RGPD6: variants seen among roughly 807,000 people sequenced by gnomAD.
RGPD6 encodes the protein RANBP2 like and GRIP domain containing 6.
the RGPD6 span, among the ~76,000 whole-genome samples, chr2:110,591,856 C>T: frequency 1.4e-5 from 2 of 148,132 alleles, no homozygotes; most frequent in Non-Finnish European, 2.9e-5. Context: ...TCTGGATCCC[C>T]AGCTGATTCT....
the RGPD6 span, among the ~76,000 whole-genome samples, chr2:110,604,152 G>A: frequency 7.2e-6 from 1 of 138,526 alleles, no homozygotes; most frequent in Non-Finnish European, 1.5e-5. Flanking sequence ...GCTGGACTAT[G>A]ATGCACGACT....
At chr2:110,603,971 T>C in the RGPD6 span, among the ~76,000 whole-genome samples, 1 of 149,918 alleles carries the variant, frequency 6.7e-6, no homozygotes, top group Non-Finnish European at 1.5e-5. Flanking sequence ...CCAGTGAAAC[T>C]AAATTATGAT....
At chr2:110,604,656 C>A in the RGPD6 span, among the ~76,000 whole-genome samples, 1 of 151,102 alleles carries the variant, frequency 6.6e-6, no homozygotes, top group South Asian at 2.1e-4. Flanking sequence ...ATTTTGCCAC[C>A]AAGACTTTAT....
chr2:110,591,336 GACTA>G, the RGPD6 span, among the ~76,000 whole-genome samples: 4,818 of 146,702 alleles, frequency 0.033, 111 homozygotes, highest in African/African-American at 0.12. Context: ...GCAGTGAACA[GACTA>G]ACTATGATTT....
the RGPD6 span, among the ~76,000 whole-genome samples, chr2:110,605,151 C>G: frequency 6.6e-6 from 1 of 152,022 alleles, no homozygotes. Flanking sequence ...CACACGAGGG[C>G]TGAGCTCCTC....
the RGPD6 span, among the ~76,000 whole-genome samples, chr2:110,604,825 T>G: frequency 6.8e-6 from 1 of 147,804 alleles, no homozygotes; most frequent in Non-Finnish European, 1.5e-5. Context: ...TTCAAGTTGC[T>G]CAAGTGTCAT....
the RGPD6 span, among the ~76,000 whole-genome samples, chr2:110,610,549 C>G: frequency 6.6e-6 from 1 of 151,380 alleles, no homozygotes; most frequent in African/African-American, 2.4e-5. Flanking sequence ...GCCACGCATC[C>G]CACCCGGGGA....
chr2:110,596,943 T>TATATATATATATC, the RGPD6 span, among the ~76,000 whole-genome samples: 1 of 116,500 alleles, frequency 8.6e-6, no homozygotes, highest in African/African-American at 3.8e-5. Flanking sequence ...ATATATATTT[T>TATATATATATATC]ATATATATAA....
chr2:110,605,380 A>AGTAC, the RGPD6 span, among the ~76,000 whole-genome samples: 24 of 150,924 alleles, frequency 1.6e-4, 1 homozygote, highest in Non-Finnish European at 3.2e-4. Flanking sequence ...GGCCAGTGTG[A>AGTAC]GTACACGCAG....
chr2:110,607,905 GCTCT>G, the RGPD6 span, among the ~76,000 whole-genome samples: 1 of 129,276 alleles, frequency 7.7e-6, no homozygotes, highest in African/African-American at 3.0e-5. Context: ...ACCATTTAGG[GCTCT>G]CTCTCTTTGT....
At chr2:110,610,577 G>C in the RGPD6 span, among the ~76,000 whole-genome samples, 1 of 148,138 alleles carries the variant, frequency 6.8e-6, no homozygotes, top group African/African-American at 2.5e-5. Flanking sequence ...AAGGGCTGGC[G>C]AGGCAGGCGC....
chr2:110,610,782 G>GCGT, the RGPD6 span: 2 of 1,115,450 alleles, frequency 1.8e-6, no homozygotes, highest in South Asian at 5.4e-5. Context: ...GGAGGTGTCA[G>GCGT]CGTCGCCGCC....
At chr2:110,590,869 CA>C in the RGPD6 span, among the ~76,000 whole-genome samples, 7 of 145,450 alleles carry the variant, frequency 4.8e-5, no homozygotes, top group Non-Finnish European at 6.1e-5. Flanking sequence ...ATGCATGTAA[CA>C]AAATATTATA....
At chr2:110,604,758 TGA>T in the RGPD6 span, among the ~76,000 whole-genome samples, 4 of 149,488 alleles carry the variant, frequency 2.7e-5, no homozygotes, top group African/African-American at 1.0e-4. Context: ...CATTCCATAT[TGA>T]GAGGTTTTTT....
At chr2:110,604,726 T>C in the RGPD6 span, among the ~76,000 whole-genome samples, 1 of 150,334 alleles carries the variant, frequency 6.7e-6, no homozygotes, top group African/African-American at 2.5e-5. Flanking sequence ...GGTTAAAAAT[T>C]CCACTTACAC....
chr2:110,608,530 C>T, the RGPD6 span, among the ~76,000 whole-genome samples: 1 of 122,980 alleles, frequency 8.1e-6, no homozygotes, highest in African/African-American at 3.2e-5. Context: ...GAGAACATAG[C>T]ATCCAAAAAT....
chr2:110,605,291 T>C, the RGPD6 span, among the ~76,000 whole-genome samples: 2 of 151,640 alleles, frequency 1.3e-5, no homozygotes, highest in Middle Eastern at 3.4e-3. Context: ...AGGCTTTGCC[T>C]CCTCGTACCT....
the RGPD6 span, among the ~76,000 whole-genome samples, chr2:110,596,941 T>TATATATATATCATATATAATATATA: frequency 8.8e-6 from 1 of 113,656 alleles, no homozygotes; most frequent in African/African-American, 4.1e-5. Flanking sequence ...TTATATATAT[T>TATATATATATCATATATAATATATA]TTATATATAT....
At chr2:110,610,838 C>A in the RGPD6 span, 14 of 1,040,582 alleles carry the variant, frequency 1.3e-5, no homozygotes, top group Non-Finnish European at 1.5e-5. Context: ...TCGGGCCGCC[C>A]GCGCGCTGCG....
Sources: allele counts gnomAD v4.1 joint callset (sites outside exome capture counted in the v4.1 genomes callset), GRCh38; gene constraint gnomAD v4.1.1; transcripts MANE v1.5; gene names NCBI Gene and HGNC (gene_info 2026-07-23, HGNC 2026-07-21).